ATG5: variants seen among roughly 807,000 people sequenced by gnomAD.
ATG5 encodes autophagy protein 5.
A neutral mutation model predicts 36.5 loss-of-function variants in ATG5; 14 were observed. The ratio of observed to expected loss-of-function variants is 0.38; its 90% confidence interval spans 0.25 to 0.60. The LOEUF (loss-of-function observed/expected upper bound fraction) is 0.60, where lower values mean the gene tolerates loss of function less well. Among genes scored for constraint, ATG5 ranks in the 20% least tolerant of loss-of-function variants. ATG5 has a pLI of 0.60. For synonymous variants in ATG5, 95 were observed against 101.5 expected, an observed-to-expected ratio of 0.94 and a Z score of 0.38; for missense variants, 195 against 326.7, an observed-to-expected ratio of 0.60 and a Z score of 3.11.
intron 3 of ATG5, among the ~76,000 whole-genome samples, chr6:106,300,600 T>C (rs1395226747): frequency 2.0e-5 from 3 of 152,110 alleles, no homozygotes; most frequent in African/African-American, 7.2e-5. Context: ...CTAGATGCCA[T>C]AGCCTACTAC....
intron 3 of ATG5, among the ~76,000 whole-genome samples, chr6:106,301,111 T>C (rs1582673590): frequency 6.6e-6 from 1 of 152,144 alleles, no homozygotes; most frequent in African/African-American, 2.4e-5. Flanking sequence ...ATAAGAAACT[T>C]CACCCCTTAA....
intron 3 of ATG5, among the ~76,000 whole-genome samples, chr6:106,306,888 C>A (rs757339585): frequency 3.9e-5 from 6 of 152,298 alleles, no homozygotes; most frequent in Non-Finnish European, 7.4e-5. Context: ...CTTATCTATG[C>A]TGCGTGAGGT....
chr6:106,316,384 AAAC>A (rs1292449083), intron 1 of ATG5, 118 bp from the exon 2 acceptor site: 2 of 459,964 alleles, frequency 4.3e-6, no homozygotes, highest in Non-Finnish European at 3.8e-6. Flanking sequence ...CAAAAAAAAA[AAAC>A]GATGATCACC....
At chr6:106,202,764 T>C (rs576108021) in intron 6 of ATG5, among the ~76,000 whole-genome samples, 3 of 152,248 alleles carry the variant, frequency 2.0e-5, no homozygotes, top group South Asian at 4.1e-4. Context: ...CAGGTTCAAG[T>C]GATTCTCATG....
At chr6:106,255,610 T>C (rs1778771068) in intron 5 of ATG5, among the ~76,000 whole-genome samples, 1 of 152,190 alleles carries the variant, frequency 6.6e-6, no homozygotes. Flanking sequence ...GATTCAATTA[T>C]CGTATTCTAA....
chr6:106,306,535 C>T (rs964281658), intron 3 of ATG5, among the ~76,000 whole-genome samples: 1 of 152,206 alleles, frequency 6.6e-6, no homozygotes, highest in African/African-American at 2.4e-5. Context: ...CTATAATGTA[C>T]AGGGTAGCCC....
chr6:106,308,222 A>ATTCAAAATTC (rs1360956872), intron 3 of ATG5, 142 bp downstream of exon 3: 32 of 577,364 alleles, frequency 5.5e-5, no homozygotes, highest in African/African-American at 3.9e-4. Context: ...TATTCTAGTA[A>ATTCAAAATTC]TAGTCTAAAC....
intron 6 of ATG5, among the ~76,000 whole-genome samples, chr6:106,246,459 T>C (rs1778345670): frequency 6.6e-6 from 1 of 151,462 alleles, no homozygotes; most frequent in Non-Finnish European, 1.5e-5. Flanking sequence ...CTCTGAAACT[T>C]ATCTGTATTA....
intron 5 of ATG5, among the ~76,000 whole-genome samples, chr6:106,273,713 C>T (rs1050372144): frequency 6.6e-6 from 1 of 152,134 alleles, no homozygotes; most frequent in African/African-American, 2.4e-5. Flanking sequence ...GGTGCTCCAT[C>T]TCAAAACAAT....
rs543459158 is a variant in ATG5, at chr6:106,203,331, A to G, written c.574-1242T>C. 3.3e-5 allele frequency among the ~76,000 whole-genome samples: 5 copies of G among 152,294 alleles called. No individual in the cohort carries two copies. In the South Asian group the frequency reaches 1.0e-3, roughly 32 times the overall value. ...GCTCTGAAATGAGCCAGTGTCTATG[A>G]AGAGCACCACTGTTTGCAAGATCTA... On this transcript the variant is annotated intron_variant, in intron 6 of 7. Transcript: ENST00000369076.
chr6:106,264,506 C>G (rs1779152947), intron 5 of ATG5, among the ~76,000 whole-genome samples: 1 of 152,016 alleles, frequency 6.6e-6, no homozygotes, highest in South Asian at 2.1e-4. Context: ...CTAAGATACT[C>G]CTAAAGAAGA....
intron 6 of ATG5, among the ~76,000 whole-genome samples, chr6:106,247,817 C>T (rs1213633819): frequency 1.3e-5 from 2 of 152,204 alleles, no homozygotes; most frequent in Non-Finnish European, 2.9e-5. Context: ...TTTGATCAAC[C>T]TCTGCTGGGA....
chr6:106,252,022 G>C (rs978588552), intron 5 of ATG5, among the ~76,000 whole-genome samples: 1 of 152,036 alleles, frequency 6.6e-6, no homozygotes, highest in Non-Finnish European at 1.5e-5. Flanking sequence ...TGTATTTTTA[G>C]TAGAGACGGG....
chr6:106,293,177 C>T, intron 3 of ATG5, 71 bp from the exon 4 acceptor site: 1 of 1,276,320 alleles, frequency 7.8e-7, no homozygotes. Flanking sequence ...AAATAAATTT[C>T]CAACACATAT....
chr6:106,218,465 T>C (rs1777123633), intron 6 of ATG5, among the ~76,000 whole-genome samples: 1 of 152,266 alleles, frequency 6.6e-6, no homozygotes, highest in Middle Eastern at 3.4e-3. Flanking sequence ...TATTCAATTG[T>C]ATGTGATATG....
intron 5 of ATG5, among the ~76,000 whole-genome samples, chr6:106,252,051 G>A (rs895149926): frequency 1.2e-4 from 18 of 152,244 alleles, no homozygotes; most frequent in African/African-American, 4.3e-4. Context: ...ATGTTGGCCA[G>A]GCTGGTCTTG....
chr6:106,310,122 G>C (rs1401710904), intron 2 of ATG5, among the ~76,000 whole-genome samples: 1 of 152,140 alleles, frequency 6.6e-6, no homozygotes, highest in Non-Finnish European at 1.5e-5. Context: ...ATTTTTGTCT[G>C]TTTTGTTCAA....
chr6:106,208,887 C>A (rs11751513), intron 6 of ATG5, among the ~76,000 whole-genome samples: 3,763 of 152,034 alleles, frequency 0.025, 75 homozygotes, highest in Non-Finnish European at 0.037. Context: ...GACATTTTAC[C>A]AAAGAGAATA....
intron 6 of ATG5, among the ~76,000 whole-genome samples, chr6:106,223,426 T>C (rs539428888): frequency 6.6e-6 from 1 of 152,276 alleles, no homozygotes; most frequent in Non-Finnish European, 1.5e-5. Context: ...AAAATCCACA[T>C]AGGAAGCAAT....
Sources: allele counts gnomAD v4.1 joint callset (sites outside exome capture counted in the v4.1 genomes callset), GRCh38; gene constraint gnomAD v4.1.1; transcripts MANE v1.5; gene names NCBI Gene and HGNC (gene_info 2026-07-23, HGNC 2026-07-21).